The following COL14A1 variants were observed in gnomAD, a reference collection of about 807,000 sequenced individuals.
COL14A1 encodes the protein collagen alpha-1(XIV) chain.
In COL14A1, 136 loss-of-function variants were observed where a neutral mutation model predicts 230.3. That is an observed-to-expected ratio of 0.59 (90% CI 0.51 to 0.68). The LOEUF (loss-of-function observed/expected upper bound fraction) is 0.68. Among genes scored for constraint, COL14A1 ranks in the 30% least tolerant of loss-of-function variants. COL14A1 has a pLI of 0.00. For missense variants in COL14A1, 1,976 were observed against 2,215.8 expected, an observed-to-expected ratio of 0.89 and a Z score of 2.17; for synonymous variants, 792 against 784.1, an observed-to-expected ratio of 1.01 and a Z score of -0.17.
rs1048765567 is a variant in COL14A1, at chr8:120,297,431, A to G, written c.4237-80A>G. On this transcript the variant is annotated intron_variant, in intron 34 of 47. Transcript: ENST00000297848. ...ATTATTAATGTATTGGTATTCTGTT[A>G]TATAATACATAACATAAAATCATTA... is the stretch of plus-strand genomic sequence containing the variant. 1.3e-5 allele frequency: 9 copies of G among 674,100 alleles called. No individual in the cohort carries two copies. In the African/African-American group the frequency reaches 1.3e-4, roughly 10 times the overall value. 41.8% of individuals were successfully genotyped at this position (674,100 alleles called of 1,614,324 possible).
intron 40 of COL14A1, among the ~76,000 whole-genome samples, chr8:120,322,561 G>A (rs1327249218): frequency 1.3e-5 from 2 of 152,052 alleles, no homozygotes; most frequent in African/African-American, 4.8e-5. Flanking sequence ...TTCACCCACT[G>A]ATAGGCCCCA....
At chr8:120,259,706 G>A (rs1444207011) in intron 23 of COL14A1, among the ~76,000 whole-genome samples, 2 of 152,208 alleles carry the variant, frequency 1.3e-5, no homozygotes, top group East Asian at 1.9e-4. Flanking sequence ...AAGTCCATGG[G>A]TTTCTACATG....
chr8:120,257,409 G>T (rs1237786609), intron 23 of COL14A1, among the ~76,000 whole-genome samples: 1 of 152,186 alleles, frequency 6.6e-6, no homozygotes, highest in African/African-American at 2.4e-5. Flanking sequence ...GACAGCAAAA[G>T]ATTCTAATTG....
chr8:120,293,987 C>T (rs887238658), intron 34 of COL14A1, among the ~76,000 whole-genome samples: 1 of 151,756 alleles, frequency 6.6e-6, no homozygotes, highest in East Asian at 1.9e-4. Context: ...AATGCACAAT[C>T]TTAGTTTTGT....
chr8:120,234,050 T>C (rs1409365286), intron 19 of COL14A1, among the ~76,000 whole-genome samples: 5 of 152,232 alleles, frequency 3.3e-5, no homozygotes, highest in African/African-American at 1.2e-4. Context: ...GTAAGTTGGA[T>C]TCCTAGGTAT....
intron 14 of COL14A1, among the ~76,000 whole-genome samples, chr8:120,220,394 C>G (rs1328505397): frequency 6.6e-6 from 1 of 151,788 alleles, no homozygotes; most frequent in Non-Finnish European, 1.5e-5. Flanking sequence ...CTGCCTCAGC[C>G]ACCCGAGTAG....
rs754315979 is a variant in COL14A1, at chr8:120,266,833, T to A, written c.3023T>A (p.Leu1008His). 6.2e-7 allele frequency: 1 copy of A among 1,611,992 alleles called. No homozygotes were observed. The highest frequency in any genetic ancestry group is 1.3e-5 in the African/African-American group (1 of 74,794). ...TTCTCCCTTTCCTTTACAGAATCAC[T>A]TCCTACACGACCACCAACTTTTCCT... is the stretch of plus-strand genomic sequence containing the variant. The part of the protein sequence containing the change: ...SVSIMEKTQS[L>H]PTRPPTFPPT... The change falls in exon 25 of 48, where the codon CTT becomes CAT. Residue 1008 changes from leucine to histidine, a missense_variant. Transcript: ENST00000297848.
At chr8:120,203,686 C>T (rs761784860) in intron 8 of COL14A1, 23 bp from the exon 9 acceptor site, 6 of 1,611,374 alleles carry the variant, frequency 3.7e-6, no homozygotes, top group Non-Finnish European at 5.1e-6. Flanking sequence ...AGTCACCATT[C>T]TCTTTTTTGT....
chr8:120,149,687 A>T (rs1397461666), intron 2 of COL14A1, among the ~76,000 whole-genome samples: 128 of 125,680 alleles, frequency 1.0e-3, no homozygotes, highest in African/African-American at 3.1e-3. Flanking sequence ...CTGTTTTTTC[A>T]TTTTTTTTTT....
intron 1 of COL14A1, among the ~76,000 whole-genome samples, chr8:120,139,904 T>TGTA (rs1307133440): frequency 1.3e-5 from 2 of 152,046 alleles, no homozygotes; most frequent in Non-Finnish European, 2.9e-5. Flanking sequence ...GGCATGGGAC[T>TGTA]GTAGTCCCAG....
intron 3 of COL14A1, among the ~76,000 whole-genome samples, chr8:120,159,597 C>A (rs1317506754): frequency 6.6e-6 from 1 of 152,122 alleles, no homozygotes. Flanking sequence ...ACGTCTTACT[C>A]AACAGTTGAC....
chr8:120,224,670 G>A (rs1473952860), intron 14 of COL14A1, among the ~76,000 whole-genome samples: 2 of 152,124 alleles, frequency 1.3e-5, no homozygotes, highest in African/African-American at 4.8e-5. Context: ...TAGTATTAAT[G>A]TTCCCTGATT....
At chr8:120,319,996 C>A (rs899349693) in intron 40 of COL14A1, among the ~76,000 whole-genome samples, 4 of 152,140 alleles carry the variant, frequency 2.6e-5, no homozygotes, top group Non-Finnish European at 5.9e-5. Context: ...TTCTTGGTAT[C>A]TGTGACTTCA....
intron 4 of COL14A1, among the ~76,000 whole-genome samples, chr8:120,163,919 GACAAA>G (rs1815776561): frequency 6.6e-6 from 1 of 151,946 alleles, no homozygotes; most frequent in South Asian, 2.1e-4. Context: ...TTGGGCACAT[GACAAA>G]TCCCTGCCCC....
At chr8:120,144,931 G>T (rs1341517755) in intron 1 of COL14A1, among the ~76,000 whole-genome samples, 5 of 151,764 alleles carry the variant, frequency 3.3e-5, no homozygotes, top group Non-Finnish European at 7.4e-5. Flanking sequence ...AAAAGATCAA[G>T]TCAGATTTCT....
chr8:120,370,530 C>G lies in COL14A1; in HGVS notation c.5312-622C>G, dbSNP rs978990023. Reference sequence around the variant, plus strand: ...TGCCTTCCCACTTTCAAACCTCTTGCCCACTCTGCTCCAAACATGATGGAG... The same window carrying G: ...TGCCTTCCCACTTTCAAACCTCTTGGCCACTCTGCTCCAAACATGATGGAG... On this transcript the variant is annotated intron_variant, in intron 47 of 47. Coordinates refer to ENST00000297848, the MANE Select transcript of COL14A1 (RefSeq NM_021110.4). The G allele has an allele frequency of 3.0e-5, 45 of 1,479,418 alleles. No individual in the cohort carries two copies. The African/African-American group carries it at 3.6e-4, about 12-fold the overall frequency. 91.6% of individuals were successfully genotyped at this position (1,479,418 alleles called of 1,614,324 possible).
At chr8:120,334,651 A>G (rs1234697024) in intron 42 of COL14A1, among the ~76,000 whole-genome samples, 4 of 150,692 alleles carry the variant, frequency 2.7e-5, no homozygotes, top group Non-Finnish European at 5.9e-5. Flanking sequence ...AAGCTTATCT[A>G]TTCGTTTGAT....
In COL14A1 at chr8:120,225,213, CGG is replaced by C. The variant is rs1563682209; in HGVS notation, c.1864_1864+1del. 6.2e-7 allele frequency: 1 copy of C among 1,610,488 alleles called. No individual in the cohort carries two copies. Among genetic ancestry groups the C allele is most frequent in the African/African-American group, 1.3e-5 (1 of 74,738 alleles). On this transcript the variant is annotated splice_donor_variant and coding_sequence_variant, in exon 15 of 48. Coordinates refer to ENST00000297848, the MANE Select transcript of COL14A1 (RefSeq NM_021110.4). LOFTEE classifies it high-confidence loss of function. The stretch of plus-strand genomic sequence containing the variant: ...AGCCTCTGACTGGAGTTTTTACCAC[CGG>C]TAAGCAGCCTCATTATGGTTTGAAA...
At chr8:120,209,292 G>A (rs917323244) in intron 11 of COL14A1, among the ~76,000 whole-genome samples, 15 of 152,230 alleles carry the variant, frequency 9.9e-5, no homozygotes, top group African/African-American at 2.2e-4. Flanking sequence ...GCTTGAGCCC[G>A]GGAGGTAGAG....
Sources: gnomAD v4.1 joint callset for allele counts (sites outside exome capture counted in the v4.1 genomes callset) on GRCh38, gnomAD v4.1.1 for gene constraint, MANE v1.5 for transcripts, NCBI Gene and HGNC (gene_info 2026-07-23, HGNC 2026-07-21) for gene names.